BTBD7: variants seen among roughly 807,000 people sequenced by gnomAD.
The protein encoded by BTBD7 is BTB/POZ domain-containing protein 7.
In BTBD7, 38 loss-of-function variants were observed where a neutral mutation model predicts 99.9. The observed-to-expected ratio is 0.38, with a 90% CI of 0.29 to 0.50. The LOEUF is 0.50. Among genes scored for constraint, BTBD7 ranks in the 20% least tolerant of loss-of-function variants. The probability of loss-of-function intolerance (pLI) is 0.93; values close to 1 mark genes in which losing one functional copy is unlikely to be tolerated. For synonymous variants in BTBD7, 520 were observed against 511.4 expected, an observed-to-expected ratio of 1.02 and a Z score of -0.23; for missense variants, 1,170 against 1,394.6, an observed-to-expected ratio of 0.84 and a Z score of 2.57.
At position 93,246,207 on chromosome 14, in the gene BTBD7, C is replaced by T. The variant is rs200930615; in HGVS notation, c.2201G>A (p.Arg734His). ...TTCTGCAGGAGGTGTACTGTTTACGCGACATCTCCCAGGCTGTCTCATTGT... is the reference window on the plus strand; with the variant it reads ...TTCTGCAGGAGGTGTACTGTTTACGTGACATCTCCCAGGCTGTCTCATTGT... The part of the protein sequence containing the change: ...LLTMRQPGRC[R>H]VNSTPPAETM... The change falls in exon 10 of 11, where the codon CGC (arginine) becomes CAC (histidine). Residue 734 changes from arginine (R) to histidine (H), a missense_variant. Physicochemically the swap from Arg to His is conservative, Grantham distance 29. Coordinates refer to ENST00000334746, the MANE Select transcript of BTBD7 (RefSeq NM_001002860.4). 50 of 1,606,796 alleles carry T rather than the reference C, an allele frequency of 3.1e-5. No individual in the cohort carries two copies. The highest frequency in any genetic ancestry group is 8.1e-5 in the African/African-American group (6 of 74,462).
chr14:93,299,014 T>C (rs973919550), intron 1 of BTBD7, among the ~76,000 whole-genome samples: 1 of 152,158 alleles, frequency 6.6e-6, no homozygotes, highest in African/African-American at 2.4e-5. Flanking sequence ...TCCTGGTTAA[T>C]GGGAACTCCC....
intron 1 of BTBD7, among the ~76,000 whole-genome samples, chr14:93,323,669 T>C (rs929759010): frequency 2.5e-4 from 38 of 152,232 alleles, no homozygotes; most frequent in African/African-American, 8.9e-4. Flanking sequence ...CGTAAAGGAC[T>C]ACAGCCAGGA....
chr14:93,290,300 C>G (rs537476569), intron 3 of BTBD7, among the ~76,000 whole-genome samples: 52 of 150,584 alleles, frequency 3.5e-4, no homozygotes, highest in Admixed American at 9.9e-4. Context: ...GCAAGCTTCG[C>G]CTCCTGGGTT....
intron 4 of BTBD7, among the ~76,000 whole-genome samples, chr14:93,262,168 T>C (rs1330954274): frequency 1.3e-5 from 2 of 151,080 alleles, no homozygotes; most frequent in African/African-American, 4.9e-5. Flanking sequence ...AGTCTCGCGC[T>C]GTTGCCCAGG....
chr14:93,290,190 A>G (rs2052831271), intron 3 of BTBD7, among the ~76,000 whole-genome samples: 1 of 149,876 alleles, frequency 6.7e-6, no homozygotes, highest in Non-Finnish European at 1.5e-5. Flanking sequence ...AAACCACTCT[A>G]GCTGTCTGCC....
At chr14:93,274,906 A>C (rs1450927774) in intron 3 of BTBD7, among the ~76,000 whole-genome samples, 2 of 152,208 alleles carry the variant, frequency 1.3e-5, no homozygotes, top group Non-Finnish European at 2.9e-5. Flanking sequence ...CTTTCATTTA[A>C]AAAAATTATT....
intron 1 of BTBD7, among the ~76,000 whole-genome samples, chr14:93,321,853 T>A (rs2053274065): frequency 6.6e-6 from 1 of 152,116 alleles, no homozygotes; most frequent in Admixed American, 6.5e-5. Flanking sequence ...TATCCAAGAC[T>A]GACAATAGAA....
chr14:93,274,275 A>G (rs2052631754), intron 3 of BTBD7, among the ~76,000 whole-genome samples: 1 of 152,188 alleles, frequency 6.6e-6, no homozygotes, highest in African/African-American at 2.4e-5. Flanking sequence ...TAAATTCAGC[A>G]ACTCTTGCGC....
At chr14:93,249,769 G>A (rs1687539615) in intron 8 of BTBD7, among the ~76,000 whole-genome samples, 2 of 149,706 alleles carry the variant, frequency 1.3e-5, no homozygotes, top group South Asian at 4.2e-4. Context: ...ACAAGCTGGT[G>A]TAAAAGACAG....
intron 1 of BTBD7, among the ~76,000 whole-genome samples, chr14:93,328,362 T>C (rs1164037604): frequency 2.0e-5 from 3 of 152,108 alleles, no homozygotes; most frequent in African/African-American, 4.8e-5. Context: ...CAAAAGTTAC[T>C]ATAAAACTAC....
At position 93,253,766 on chromosome 14, in the gene BTBD7, G is replaced by A. The variant is rs1012879098; in HGVS notation, c.1633C>T (p.Pro545Ser). 5.6e-6 allele frequency: 9 copies of A among 1,607,784 alleles called. No homozygotes were observed. The highest frequency in any genetic ancestry group is 2.2e-5 in the South Asian group (2 of 90,290). ...GTTGTAGGAAGCATATCTGATGGAG[G>A]AGTACTAATCAAGCCTCTTTTCATC... ...DAMKRGLISTPPSDMLPTTEG... is the reference protein window; with the variant it reads ...DAMKRGLISTSPSDMLPTTEG... Residue 545 changes from proline (P) to serine (S), a missense_variant, in exon 7 of 11, where the codon CCT (proline) becomes TCT (serine). Physicochemically the swap from Pro to Ser is moderately conservative, Grantham distance 74 (BLOSUM62 -1). Transcript: ENST00000334746.
chr14:93,331,416 A>G (rs1448297812), intron 1 of BTBD7, among the ~76,000 whole-genome samples: 1 of 152,164 alleles, frequency 6.6e-6, no homozygotes, highest in Non-Finnish European at 1.5e-5. Context: ...ACACCTTTAG[A>G]TCTCTAAAAG....
chr14:93,274,172 T>C (rs1469093690), intron 3 of BTBD7, among the ~76,000 whole-genome samples: 1 of 152,228 alleles, frequency 6.6e-6, no homozygotes, highest in Non-Finnish European at 1.5e-5. Flanking sequence ...TCTTCCATGA[T>C]TGAGTCTTTT....
At chr14:93,257,114 C>A in intron 6 of BTBD7, 81 bp downstream of exon 6, 1 of 1,396,024 alleles carries the variant, frequency 7.2e-7, no homozygotes. Context: ...CTATTAGTAG[C>A]AGAAATTATT....
chr14:93,325,679 T>C (rs1351867260), intron 1 of BTBD7, among the ~76,000 whole-genome samples: 1 of 152,228 alleles, frequency 6.6e-6, no homozygotes, highest in African/African-American at 2.4e-5. Context: ...TGACTTGCTT[T>C]AAGATCATAA....
At chr14:93,290,684 A>C (rs1333452487) in intron 3 of BTBD7, among the ~76,000 whole-genome samples, 2 of 148,936 alleles carry the variant, frequency 1.3e-5, no homozygotes, top group Non-Finnish European at 3.0e-5. Context: ...CACCCAGCTA[A>C]ATTTTTTTGT....
chr14:93,266,756 A>T (rs564981365), intron 3 of BTBD7, among the ~76,000 whole-genome samples: 2 of 152,366 alleles, frequency 1.3e-5, no homozygotes, highest in East Asian at 3.9e-4. Flanking sequence ...AACCGTTTCT[A>T]TAAGATGGTA....
intron 5 of BTBD7, 108 bp from the exon 6 acceptor site, chr14:93,257,463 G>T: frequency 1.0e-6 from 1 of 953,152 alleles, no homozygotes; most frequent in Non-Finnish European, 1.5e-6. Flanking sequence ...AGACTTATGT[G>T]CCTCTGCTTT....
chr14:93,248,743 A>G, intron 8 of BTBD7, 89 bp from the exon 9 acceptor site: 7 of 1,182,566 alleles, frequency 5.9e-6, no homozygotes, highest in Non-Finnish European at 8.0e-6. Context: ...CATGTATTTC[A>G]TACCAGAATC....
Sources: gnomAD v4.1 joint callset for allele counts (sites outside exome capture counted in the v4.1 genomes callset) on GRCh38, gnomAD v4.1.1 for gene constraint, MANE v1.5 for transcripts, NCBI Gene and HGNC (gene_info 2026-07-23, HGNC 2026-07-21) for gene names.